Variants in CCDC30 observed in about 807,000 individuals in gnomAD.
CCDC30 encodes coiled-coil domain-containing protein 30.
A neutral mutation model predicts 100.2 loss-of-function variants in CCDC30; 70 were observed. The ratio of observed to expected loss-of-function variants is 0.70; its 90% CI spans 0.58 to 0.85. The LOEUF is 0.85. Ranked by LOEUF, CCDC30 falls within the 40% of genes least tolerant of loss-of-function variation. The probability of loss-of-function intolerance (pLI) is 0.00; values close to 1 mark genes in which losing one functional copy is unlikely to be tolerated. For missense variants in CCDC30, 652 were observed against 771.2 expected (o/e 0.85, Z 1.83); for synonymous variants, 233 against 269.5 (o/e 0.86, Z 1.33).
intron 6 of CCDC30, among the ~76,000 whole-genome samples, chr1:42,514,528 A>G (rs1644525855): frequency 6.6e-6 from 1 of 152,044 alleles, no homozygotes; most frequent in Non-Finnish European, 1.5e-5. Context: ...CTTGTTAGCC[A>G]TTTGCATATC....
chr1:42,577,430 G>C (rs1645862931), intron 8 of CCDC30, among the ~76,000 whole-genome samples: 1 of 151,838 alleles, frequency 6.6e-6, no homozygotes, highest in African/African-American at 2.4e-5. Flanking sequence ...AAACTTCATG[G>C]GCTTAAAAAG....
At chr1:42,655,801 T>G (rs1648637514), downstream of CCDC30, among the ~76,000 whole-genome samples, 1 of 151,992 alleles carries the variant, frequency 6.6e-6, no homozygotes, top group Admixed American at 6.6e-5. Context: ...TACTGCTCAG[T>G]ATCTCTGAGG....
At chr1:42,502,459 G>A (rs72659928) in intron 6 of CCDC30, among the ~76,000 whole-genome samples, 20,738 of 152,132 alleles carry the variant, frequency 0.14, 1,558 homozygotes, top group East Asian at 0.19. Flanking sequence ...GCTTCGGCTC[G>A]TGCTCCGTGG....
At position 42,553,465 on chromosome 1, in the gene CCDC30, G is replaced by A. The variant is rs557937065; in HGVS notation, c.457-12831G>A. ...AAAGTGTGTCTACTCCATCTTCTTCGAAGAAAAAGTCCATTTTCTCCATTT... is the reference window on the plus strand; with the variant it reads ...AAAGTGTGTCTACTCCATCTTCTTCAAAGAAAAAGTCCATTTTCTCCATTT... On this transcript the variant is annotated intron_variant, in intron 6 of 16. Coordinates refer to ENST00000668663, the Ensembl canonical transcript of CCDC30. Among the ~76,000 whole-genome samples the A allele has an allele frequency of 2.0e-3, 300 of 149,510 alleles. 1 individual carries two copies. Among genetic ancestry groups the A allele is most frequent in the Non-Finnish European group, 3.3e-3 (224 of 67,750 alleles).
At chr1:42,491,506 T>TA (rs34146821) in intron 4 of CCDC30, among the ~76,000 whole-genome samples, 71,123 of 144,160 alleles carry the variant, frequency 0.49, 16,996 homozygotes, top group East Asian at 0.58. Context: ...GGTTAATGGG[T>TA]AAAAAAAAAA....
At chr1:42,497,099 T>C (rs746620110) in exon 5 of CCDC30, 2 of 1,230,912 alleles carry the variant, frequency 1.6e-6, no homozygotes, top group Non-Finnish European at 1.0e-6. Flanking sequence ...CTGTTTTAGA[T>C]GCAGCTGACC....
At position 42,482,864 on chromosome 1, in the gene CCDC30, C is replaced by G. The variant is rs1355866913; in HGVS notation, c.169+48C>G. 4 of 1,143,144 alleles carry G rather than the reference C, an allele frequency of 3.5e-6. No individual in the cohort carries two copies. The African/African-American group carries it at 6.4e-5, about 18-fold the overall frequency. 70.8% of individuals were successfully genotyped at this position (1,143,144 alleles called of 1,614,324 possible). A position where few individuals can be genotyped will look rare whatever the true frequency, so the allele number is the denominator to read the frequency against. On this transcript the variant is annotated intron_variant, in intron 3 of 16. Transcript: ENST00000668663. The stretch of plus-strand genomic sequence containing the variant: ...CATTTCCGATCATGCTTTAACTGTA[C>G]TGATCTCATCTCAGGGTGGAACATG...
chr1:42,536,834 G>C, intron 6 of CCDC30: 2 of 462,898 alleles, frequency 4.3e-6, no homozygotes, highest in South Asian at 5.7e-5. Flanking sequence ...TCTCTTCCTG[G>C]CTTGCAGATG....
chr1:42,468,180 C>T (rs1017062497), intron 1 of CCDC30, among the ~76,000 whole-genome samples: 3 of 152,052 alleles, frequency 2.0e-5, no homozygotes, highest in South Asian at 2.1e-4. Context: ...AATAATAATG[C>T]GTTGAAAAAG....
intron 1 of CCDC30, among the ~76,000 whole-genome samples, chr1:42,470,406 G>T (rs1400741866): frequency 1.3e-5 from 2 of 151,856 alleles, no homozygotes; most frequent in Non-Finnish European, 2.9e-5. Flanking sequence ...CAGTAGGACA[G>T]TTCCTCAAAA....
At chr1:42,457,552 A>G in the CCDC30 span, 17 of 597,782 alleles carry the variant, frequency 2.8e-5, no homozygotes, top group Non-Finnish European at 2.4e-5. Flanking sequence ...ACAGAGTGAT[A>G]AATGCTCTAG....
intron 3 of CCDC30, among the ~76,000 whole-genome samples, chr1:42,484,873 A>G (rs527537049): frequency 3.6e-4 from 55 of 152,302 alleles, no homozygotes; most frequent in African/African-American, 1.2e-3. Context: ...TCCTCAACAA[A>G]TGAATATCAA....
At chr1:42,577,038 C>T (rs754757709) in exon 8 of CCDC30, 1 of 1,612,810 alleles carries the variant, frequency 6.2e-7, no homozygotes, top group Non-Finnish European at 8.5e-7. Context: ...TGAACTAAAG[C>T]ATGCCCAACA....
chr1:42,625,730 T>C (rs1158066053), intron 11 of CCDC30, among the ~76,000 whole-genome samples: 2 of 152,152 alleles, frequency 1.3e-5, no homozygotes, highest in African/African-American at 2.4e-5. Context: ...TGCTTGATAT[T>C]ATTTCAGTTT....
intron 6 of CCDC30, among the ~76,000 whole-genome samples, chr1:42,555,838 C>T (rs1238173328): frequency 6.6e-6 from 1 of 152,062 alleles, no homozygotes; most frequent in African/African-American, 2.4e-5. Context: ...TACAGGCATA[C>T]ACCACCACAC....
chr1:42,644,206 G>A (rs1414348002), intron 13 of CCDC30, among the ~76,000 whole-genome samples: 2 of 152,156 alleles, frequency 1.3e-5, no homozygotes, highest in Non-Finnish European at 2.9e-5. Flanking sequence ...ACAATAGGCT[G>A]TCCACAAGCT....
chr1:42,473,290 G>C (rs929401638), intron 1 of CCDC30: 1 of 1,230,794 alleles, frequency 8.1e-7, no homozygotes, highest in Non-Finnish European at 1.0e-6. Flanking sequence ...AAGCACATGG[G>C]TGAAACAAAA....
At chr1:42,456,588 C>T in the CCDC30 span, 3 of 1,498,644 alleles carry the variant, frequency 2.0e-6, no homozygotes, top group Non-Finnish European at 2.7e-6. Context: ...GATCCGGTAG[C>T]CGAGTTCCCC....
intron 6 of CCDC30, among the ~76,000 whole-genome samples, chr1:42,535,505 T>G (rs1206500499): frequency 6.7e-6 from 1 of 150,104 alleles, no homozygotes; most frequent in East Asian, 2.0e-4. Context: ...CAATTTCAGC[T>G]GCTTCCTGAC....
Sources: allele counts gnomAD v4.1 joint callset (sites outside exome capture counted in the v4.1 genomes callset), GRCh38; gene constraint gnomAD v4.1.1; transcripts MANE v1.5; gene names NCBI Gene and HGNC (gene_info 2026-07-23, HGNC 2026-07-21).